The following AUTS2 variants were observed in gnomAD, a reference collection of about 807,000 sequenced individuals.
AUTS2 encodes activator of transcription and developmental regulator AUTS2, also known as autism susceptibility gene 2 protein.
A neutral mutation model predicts 112.4 loss-of-function variants in AUTS2; 17 were observed. That is an observed-to-expected ratio of 0.15 (90% CI 0.10 to 0.23). The LOEUF (loss-of-function observed/expected upper bound fraction) is 0.23, where lower values mean the gene tolerates loss of function less well. Among genes scored for constraint, AUTS2 ranks in the 10% least tolerant of loss-of-function variants. The pLI, the probability that AUTS2 is intolerant of heterozygous loss-of-function variation, is 1.00. For synonymous variants in AUTS2, 751 were observed against 702.7 expected (o/e 1.07, Z -1.09); for missense variants, 1,510 against 1,701.6 (o/e 0.89, Z 1.98).
chr7:69,632,772 C>T (rs972618892), intron 1 of AUTS2, among the ~76,000 whole-genome samples: 1 of 152,058 alleles, frequency 6.6e-6, no homozygotes, highest in Admixed American at 6.6e-5. Flanking sequence ...TATGGTAGAG[C>T]CACAACACTA....
At chr7:69,849,620 A>T (rs2129529621) in intron 1 of AUTS2, among the ~76,000 whole-genome samples, 1 of 151,838 alleles carries the variant, frequency 6.6e-6, no homozygotes, top group South Asian at 2.1e-4. Context: ...GTTATTACAC[A>T]TTTGTATTTA....
rs370802133 is a variant in AUTS2, at chr7:70,416,733, G to A, written c.661-19019G>A. Among the ~76,000 whole-genome samples, 85 of 152,260 alleles carry A rather than the reference G, an allele frequency of 5.6e-4. 1 individual carries two copies. The South Asian group carries it at 0.017, about 31-fold the overall frequency. On this transcript the variant is annotated intron_variant, in intron 4 of 18. Coordinates refer to ENST00000342771, the MANE Select transcript of AUTS2 (RefSeq NM_015570.4). ...GCCCTGCCGACGCAGCGCCTGCTGC[G>A]GTCACGGTCCACTCCCAAGGGACAC...
rs573075721 is a variant in AUTS2 at position 70,021,201 on chromosome 7, C to A, written c.523-96931C>A. The stretch of plus-strand genomic sequence containing the variant: ...TTCTGTATGTTGGTCAGGCTGGTCT[C>A]GAACTCCTGACCTCAGGTGATCCGC... On this transcript the variant is annotated intron_variant, in intron 2 of 18. Coordinates refer to ENST00000342771, the MANE Select transcript of AUTS2 (RefSeq NM_015570.4). Among the ~76,000 whole-genome samples the A allele has an allele frequency of 1.4e-3, 208 of 151,402 alleles. 2 individuals carry two copies. The highest frequency in any genetic ancestry group is 4.9e-3 in the African/African-American group (202 of 41,232).
chr7:69,786,258 A>G (rs965533660), intron 1 of AUTS2, among the ~76,000 whole-genome samples: 18 of 152,210 alleles, frequency 1.2e-4, no homozygotes, highest in African/African-American at 3.9e-4. Flanking sequence ...TTGTAAATGC[A>G]CCAATCAGCA....
chr7:70,484,119 C>T (rs183335164), intron 5 of AUTS2, among the ~76,000 whole-genome samples: 22 of 152,178 alleles, frequency 1.4e-4, no homozygotes, highest in African/African-American at 5.1e-4. Context: ...TACTTCTACA[C>T]AGATTATTAA....
At position 70,760,282 on chromosome 7, in the gene AUTS2, G is replaced by A. The variant is rs189966640; in HGVS notation, c.743-2588G>A. 1.2e-4 allele frequency among the ~76,000 whole-genome samples: 19 copies of A among 152,338 alleles called. No individual in the cohort carries two copies. The East Asian group carries it at 2.5e-3, about 20-fold the overall frequency. ...GGCCTCCCAAAGTGCTGGGATTACA[G>A]GCGTGAGCCACCGCACCCGGCCTAC... On this transcript the variant is annotated intron_variant, in intron 6 of 18. Transcript: ENST00000342771.
At chr7:70,195,200 T>A (rs1381339356) in intron 4 of AUTS2, among the ~76,000 whole-genome samples, 1 of 152,200 alleles carries the variant, frequency 6.6e-6, no homozygotes, top group African/African-American at 2.4e-5. Flanking sequence ...ACTATTAACA[T>A]AAGTGCTAAG....
chr7:70,504,495 GA>G (rs1250345225), intron 5 of AUTS2, among the ~76,000 whole-genome samples: 1 of 152,198 alleles, frequency 6.6e-6, no homozygotes, highest in East Asian at 1.9e-4. Context: ...ATTATGGGCA[GA>G]GAGGACTTGC....
intron 1 of AUTS2, among the ~76,000 whole-genome samples, chr7:69,834,428 C>T (rs1056879297): frequency 6.6e-6 from 1 of 152,186 alleles, no homozygotes; most frequent in African/African-American, 2.4e-5. Context: ...GCTCCTGAGC[C>T]ACCCTTAGTG....
intron 2 of AUTS2, among the ~76,000 whole-genome samples, chr7:70,110,365 A>C (rs1298604472): frequency 6.6e-6 from 1 of 152,106 alleles, no homozygotes; most frequent in African/African-American, 2.4e-5. Context: ...AAAATACAGA[A>C]ATCAGCCAGG....
intron 5 of AUTS2, among the ~76,000 whole-genome samples, chr7:70,627,371 A>G (rs1554444875): frequency 6.6e-6 from 1 of 152,134 alleles, no homozygotes; most frequent in Non-Finnish European, 1.5e-5. Context: ...CAGTTGTTTG[A>G]GTTCCTTATA....
At chr7:69,621,429 A>G (rs573144760) in intron 1 of AUTS2, among the ~76,000 whole-genome samples, 4 of 139,760 alleles carry the variant, frequency 2.9e-5, no homozygotes, top group Admixed American at 1.6e-4. Flanking sequence ...TTCAGAATCT[A>G]TAATATATCT....
chr7:69,631,335 G>T (rs769777615), intron 1 of AUTS2, among the ~76,000 whole-genome samples: 1 of 152,142 alleles, frequency 6.6e-6, no homozygotes, highest in Non-Finnish European at 1.5e-5. Context: ...CTTTTGAGAG[G>T]CAACAGCGGT....
chr7:69,855,982 A>G (rs2129530693), intron 1 of AUTS2, among the ~76,000 whole-genome samples: 1 of 152,244 alleles, frequency 6.6e-6, no homozygotes, highest in South Asian at 2.1e-4. Context: ...GGATTGAGAC[A>G]CAGTTAGCTT....
intron 4 of AUTS2, among the ~76,000 whole-genome samples, chr7:70,386,223 G>A (rs1448894440): frequency 6.6e-6 from 1 of 152,164 alleles, no homozygotes; most frequent in Non-Finnish European, 1.5e-5. Context: ...TGATGTCTTA[G>A]ACAGAGGCTC....
chr7:70,361,399 G>C (rs1053892642), intron 4 of AUTS2, among the ~76,000 whole-genome samples: 1 of 151,904 alleles, frequency 6.6e-6, no homozygotes, highest in Admixed American at 6.6e-5. Flanking sequence ...TATTTTGCTC[G>C]TGTCTTTTGT....
intron 2 of AUTS2, among the ~76,000 whole-genome samples, chr7:70,065,235 TG>T (rs1802434341): frequency 6.6e-6 from 1 of 152,148 alleles, no homozygotes; most frequent in Admixed American, 6.6e-5. Context: ...ATTTTTTCTT[TG>T]CCTCCCTCCT....
chr7:70,706,066 G>C (rs1044675536), intron 6 of AUTS2, among the ~76,000 whole-genome samples: 2 of 152,166 alleles, frequency 1.3e-5, no homozygotes, highest in African/African-American at 2.4e-5. Flanking sequence ...GTACATGCTG[G>C]ATCTTGACAG....
At chr7:69,715,457 C>T (rs1798562612) in intron 1 of AUTS2, among the ~76,000 whole-genome samples, 1 of 152,152 alleles carries the variant, frequency 6.6e-6, no homozygotes, top group African/African-American at 2.4e-5. Flanking sequence ...GGATTCCCTC[C>T]AGATCCTTGG....
Sources: allele counts gnomAD v4.1 joint callset (sites outside exome capture counted in the v4.1 genomes callset), GRCh38; gene constraint gnomAD v4.1.1; transcripts MANE v1.5; gene names NCBI Gene and HGNC (gene_info 2026-07-23, HGNC 2026-07-21).